The following SIRT5 variants were observed in gnomAD, a reference collection of about 807,000 sequenced individuals.
SIRT5 encodes sirtuin 5.
A neutral mutation model predicts 40.0 loss-of-function variants in SIRT5; 26 were observed. That is an observed-to-expected ratio of 0.65 (90% CI 0.48 to 0.90). The LOEUF (loss-of-function observed/expected upper bound fraction) is 0.90. SIRT5 is among the 40% of genes least tolerant of loss of function. The probability of loss-of-function intolerance (pLI) is 0.00; values close to 1 mark genes in which losing one functional copy is unlikely to be tolerated. For synonymous variants in SIRT5, 146 were observed against 149.1 expected, an observed-to-expected ratio of 0.98 and a Z score of 0.15; for missense variants, 401 against 402.4, an observed-to-expected ratio of 1.00 and a Z score of 0.03.
In SIRT5 at chr6:13,613,558, A is replaced by G. The variant is rs1196275014; in HGVS notation, c.*1693A>G. 1 of 152,250 alleles carries G rather than the reference A, an allele frequency of 6.6e-6. No individual in the cohort carries two copies. Among genetic ancestry groups the G allele is most frequent in the Non-Finnish European group, 1.5e-5 (1 of 68,048 alleles). The allele number at this position is 152,250 out of a possible 1,614,324, so 9.4% of individuals were successfully genotyped here. A position where few individuals can be genotyped will look rare whatever the true frequency, so the allele number is the denominator to read the frequency against. On this transcript the variant is annotated 3_prime_UTR_variant, in exon 10 of 10. Transcript: ENST00000606117. ...CTTTTGTAGAAACAGGCAACAAGAC[A>G]CTATCATATAAAACTTTGTACTGCA...
intron 8 of SIRT5, among the ~76,000 whole-genome samples, chr6:13,600,512 A>G (rs1349535148): frequency 6.6e-6 from 1 of 152,262 alleles, no homozygotes; most frequent in East Asian, 1.9e-4. Flanking sequence ...TGTTTTAAAA[A>G]GTTATGGATC....
intron 2 of SIRT5, among the ~76,000 whole-genome samples, chr6:13,583,120 C>T (rs373874345): frequency 1.6e-4 from 25 of 151,910 alleles, no homozygotes; most frequent in African/African-American, 5.6e-4. Flanking sequence ...GTGGGAGGAT[C>T]GCTGGAGCCC....
Position 13,595,527 on chromosome 6 carries a change from T to G in SIRT5, c.526T>G (p.Tyr176Asp). 6.2e-7 allele frequency: 1 copy of G among 1,614,134 alleles called. No homozygotes were observed. Among genetic ancestry groups the G allele is most frequent in the South Asian group, 1.1e-5 (1 of 91,074 alleles). Residue 176 changes from tyrosine to aspartate, a missense_variant, in exon 6 of 10, where the codon TAC becomes GAC. Tyr to Asp is a radical substitution (Grantham distance 160). Coordinates refer to ENST00000606117, the MANE Select transcript of SIRT5 (RefSeq NM_012241.5). ...CTCTTGTGGAGTTGTGGCTGAGAATTACAAGAGTCCAATTTGTCCAGCTTT... is the reference window on the plus strand; with the variant it reads ...CTCTTGTGGAGTTGTGGCTGAGAATGACAAGAGTCCAATTTGTCCAGCTTT... ...CTSCGVVAEN[Y>D]KSPICPALSG...
intron 3 of SIRT5, among the ~76,000 whole-genome samples, chr6:13,586,001 G>A (rs1488095224): frequency 6.6e-6 from 1 of 152,184 alleles, no homozygotes; most frequent in Non-Finnish European, 1.5e-5. Context: ...CAGTGATGAT[G>A]AGCATTTTTT....
At chr6:13,605,856 G>T in intron 9 of SIRT5, 1 of 983,556 alleles carries the variant, frequency 1.0e-6, no homozygotes, top group African/African-American at 1.7e-5. Flanking sequence ...GGCCTTCAAA[G>T]CACCTTTGGC....
intron 9 of SIRT5, chr6:13,605,377 A>C: frequency 1.0e-6 from 1 of 984,652 alleles, no homozygotes; most frequent in Non-Finnish European, 1.2e-6. Context: ...TTACAGAAAA[A>C]GTTTTCTAAC....
At chr6:13,590,728 T>C (rs535788638) in intron 4 of SIRT5, among the ~76,000 whole-genome samples, 1 of 152,108 alleles carries the variant, frequency 6.6e-6, no homozygotes, top group South Asian at 2.1e-4. Flanking sequence ...GGTGTAGTTG[T>C]GTATGTAGTT....
chr6:13,578,616 C>CAAAAAAAAA (rs60663066), intron 1 of SIRT5, among the ~76,000 whole-genome samples: 1 of 36,772 alleles, frequency 2.7e-5, no homozygotes, highest in African/African-American at 9.0e-5. Flanking sequence ...GACTCCATCT[C>CAAAAAAAAA]AAAAAAAAAA....
intron 2 of SIRT5, 81 bp downstream of exon 2, chr6:13,579,690 C>T (rs551411121): frequency 2.0e-5 from 3 of 152,294 alleles, no homozygotes; most frequent in African/African-American, 7.2e-5. Flanking sequence ...AGGCAGTATT[C>T]AGAGTTTTGA....
At chr6:13,601,540 T>G (rs897678628) in intron 9 of SIRT5, among the ~76,000 whole-genome samples, 3 of 152,194 alleles carry the variant, frequency 2.0e-5, no homozygotes, top group African/African-American at 7.2e-5. Flanking sequence ...TGCTTTTACC[T>G]CTAATTCTTG....
intron 8 of SIRT5, 84 bp from the exon 9 acceptor site, chr6:13,600,750 T>G: frequency 8.2e-5 from 88 of 1,077,436 alleles, no homozygotes; most frequent in East Asian, 1.1e-4. Flanking sequence ...CAGACCTGCC[T>G]GAGTTTGTGT....
rs889899889 is a variant in SIRT5, at chr6:13,612,899, G to C, written c.*1034G>C. The C allele has an allele frequency of 6.6e-6, 1 of 152,168 alleles. No homozygotes were observed. The highest frequency in any genetic ancestry group is 1.5e-5 in the Non-Finnish European group (1 of 68,048). The allele number at this position is 152,168 out of a possible 1,614,324, so 9.4% of individuals were successfully genotyped here. On this transcript the variant is annotated 3_prime_UTR_variant, in exon 10 of 10. Transcript: ENST00000606117. ...AAGGCAGAAGCTGTGGTTCCTGTGG[G>C]GCCTGCCAACCGTTCCCAGATGCTG...
At chr6:13,606,740 G>A (rs1029229247) in intron 9 of SIRT5, among the ~76,000 whole-genome samples, 7 of 152,136 alleles carry the variant, frequency 4.6e-5, no homozygotes, top group African/African-American at 1.7e-4. Context: ...GGAGTGCAGT[G>A]GCGCAATCTT....
chr6:13,586,353 C>T (rs1760081226), intron 3 of SIRT5, among the ~76,000 whole-genome samples: 1 of 152,136 alleles, frequency 6.6e-6, no homozygotes, highest in East Asian at 1.9e-4. Context: ...CCTAGGTTTT[C>T]TTCTAGGGTT....
At chr6:13,584,294 A>G in intron 3 of SIRT5, 69 bp downstream of exon 3, 1 of 1,123,408 alleles carries the variant, frequency 8.9e-7, no homozygotes, top group Non-Finnish European at 1.4e-6. Context: ...ACACTTCGAG[A>G]GGAATGTCTC....
chr6:13,605,244 C>A, intron 9 of SIRT5: 2 of 901,958 alleles, frequency 2.2e-6, no homozygotes, highest in Non-Finnish European at 2.7e-6. Context: ...TTCATTGGAA[C>A]ACAGCTGTGG....
chr6:13,586,330 C>A (rs1760079275), intron 3 of SIRT5, among the ~76,000 whole-genome samples: 1 of 152,156 alleles, frequency 6.6e-6, no homozygotes. Flanking sequence ...TGCCTATGTC[C>A]TGAATGGTAT....
At chr6:13,609,955 T>C (rs543877334) in intron 9 of SIRT5, among the ~76,000 whole-genome samples, 3 of 152,252 alleles carry the variant, frequency 2.0e-5, no homozygotes, top group African/African-American at 7.2e-5. Flanking sequence ...ACCTAAACTC[T>C]AGGCATGAGG....
intron 8 of SIRT5, 81 bp from the exon 9 acceptor site, chr6:13,600,753 G>C: frequency 8.8e-7 from 1 of 1,135,938 alleles, no homozygotes; most frequent in South Asian, 1.5e-5. Context: ...ACCTGCCTGA[G>C]TTTGTGTAAG....
Sources: allele counts gnomAD v4.1 joint callset (sites outside exome capture counted in the v4.1 genomes callset), GRCh38; gene constraint gnomAD v4.1.1; transcripts MANE v1.5; gene names NCBI Gene and HGNC (gene_info 2026-07-23, HGNC 2026-07-21).